PAM: variants seen among roughly 807,000 people sequenced by gnomAD.
PAM encodes peptidyl-glycine alpha-amidating monooxygenase.
In PAM, 72 loss-of-function variants were observed where a neutral mutation model predicts 122.1. The observed-to-expected ratio is 0.59, with a 90% confidence interval of 0.49 to 0.72. The LOEUF is 0.72. Ranked by LOEUF, PAM falls within the 30% of genes least tolerant of loss-of-function variation. The pLI is 0.00. For synonymous variants in PAM, 389 were observed against 404.4 expected (o/e 0.96, Z 0.46); for missense variants, 1,106 against 1,183.7 (o/e 0.93, Z 0.96).
intron 1 of PAM, among the ~76,000 whole-genome samples, chr5:102,829,201 A>G (rs531454600): frequency 6.6e-6 from 1 of 152,172 alleles, no homozygotes; most frequent in Admixed American, 6.5e-5. Flanking sequence ...ATTTTGACCG[A>G]AAGTCATACG....
At chr5:102,772,753 T>G (rs552441425) in intron 1 of PAM, among the ~76,000 whole-genome samples, 39 of 152,106 alleles carry the variant, frequency 2.6e-4, no homozygotes, top group Non-Finnish European at 5.0e-4. Flanking sequence ...GAAATTACAT[T>G]AATTTATGTG....
intron 1 of PAM, among the ~76,000 whole-genome samples, chr5:102,862,847 ACC>A (rs1784546643): frequency 2.0e-5 from 3 of 152,210 alleles, no homozygotes; most frequent in Non-Finnish European, 4.4e-5. Context: ...TAAATAGTGG[ACC>A]CAGGAATCAG....
chr5:102,818,602 G>A (rs1770713215), intron 1 of PAM, among the ~76,000 whole-genome samples: 1 of 152,094 alleles, frequency 6.6e-6, no homozygotes. Context: ...CCTTTGTCCA[G>A]TATGCCCTTC....
chr5:102,878,071 A>G (rs1789785144), intron 3 of PAM, among the ~76,000 whole-genome samples: 1 of 152,062 alleles, frequency 6.6e-6, no homozygotes, highest in Non-Finnish European at 1.5e-5. Flanking sequence ...TAAAATCTCT[A>G]TATATAATTA....
At chr5:102,978,951 C>T (rs2150535524) in intron 15 of PAM, among the ~76,000 whole-genome samples, 1 of 151,776 alleles carries the variant, frequency 6.6e-6, no homozygotes, top group South Asian at 2.1e-4. Context: ...TCCGAAATTC[C>T]ACAGCTCAAG....
chr5:102,961,323 T>C, intron 14 of PAM, 94 bp downstream of exon 14: 1 of 722,478 alleles, frequency 1.4e-6, no homozygotes, highest in South Asian at 1.6e-5. Context: ...TGTATGTCTC[T>C]CTGTATCTGC....
rs1312980357 is a variant in PAM, at chr5:102,960,033, T to C, written c.1064T>C (p.Met355Thr). 40 of 1,603,850 alleles carry C rather than the reference T, an allele frequency of 2.5e-5. No individual in the cohort carries two copies. The Admixed American group carries it at 3.9e-4, about 15-fold the overall frequency. The stretch of plus-strand genomic sequence containing the variant: ...ATTCCAATTCCCGTGAAGTCTGATA[T>C]GGTTATGATGCATGAACATCATAAA... ...ANIPIPVKSDMVMMHEHHKET... is the reference protein window; with the variant it reads ...ANIPIPVKSDTVMMHEHHKET... The change falls in exon 13 of 26, where the codon ATG becomes ACG. Residue 355 changes from methionine to threonine, a missense_variant. By Grantham distance (81) the Met-to-Thr change is moderately conservative. Around this residue, in one of 3 missense-constraint regions of PAM, gnomAD observed 670 missense variants for 690.3 expected, o/e 0.97. Coordinates refer to ENST00000438793, the MANE Select transcript of PAM (RefSeq NM_001177306.2).
intron 7 of PAM, among the ~76,000 whole-genome samples, chr5:102,927,564 T>C (rs1487370900): frequency 2.6e-5 from 4 of 152,108 alleles, no homozygotes; most frequent in African/African-American, 7.2e-5. Flanking sequence ...TAGATGTCCA[T>C]CTCTGCCTAT....
intron 5 of PAM, among the ~76,000 whole-genome samples, chr5:102,914,405 T>C (rs1277894258): frequency 6.6e-6 from 1 of 152,056 alleles, no homozygotes; most frequent in African/African-American, 2.4e-5. Context: ...CAATATACCA[T>C]GTAACATGTT....
At chr5:102,886,720 G>A (rs1793233029) in intron 3 of PAM, among the ~76,000 whole-genome samples, 1 of 151,918 alleles carries the variant, frequency 6.6e-6, no homozygotes, top group Admixed American at 6.6e-5. Flanking sequence ...ACCAATGACT[G>A]CATCTTACTC....
intron 1 of PAM, among the ~76,000 whole-genome samples, chr5:102,846,827 C>T (rs1431248589): frequency 6.6e-6 from 1 of 152,186 alleles, no homozygotes; most frequent in Non-Finnish European, 1.5e-5. Flanking sequence ...CTTTAGCTTG[C>T]TCGTAGCTTT....
At chr5:102,778,200 T>C (rs1337925327) in intron 1 of PAM, among the ~76,000 whole-genome samples, 3 of 152,176 alleles carry the variant, frequency 2.0e-5, no homozygotes, top group Non-Finnish European at 2.9e-5. Flanking sequence ...AGTTGATTTG[T>C]GTTCCCCTGT....
intron 1 of PAM, among the ~76,000 whole-genome samples, chr5:102,802,588 A>C (rs1344676004): frequency 6.6e-6 from 1 of 152,080 alleles, no homozygotes; most frequent in Non-Finnish European, 1.5e-5. Flanking sequence ...ATTGGAGCAG[A>C]CCAACATCCT....
intron 1 of PAM, among the ~76,000 whole-genome samples, chr5:102,834,547 G>A (rs1467856668): frequency 8.5e-5 from 13 of 152,142 alleles, no homozygotes; most frequent in Non-Finnish European, 1.5e-5. Context: ...CCAGGAGCCT[G>A]GGGAAGGGTT....
chr5:102,964,534 GA>G (rs890530956), intron 14 of PAM, among the ~76,000 whole-genome samples: 1 of 151,788 alleles, frequency 6.6e-6, no homozygotes, highest in East Asian at 1.9e-4. Flanking sequence ...ACATTTTAAT[GA>G]GGCTTTAATT....
chr5:103,000,385 A>G (rs2150967743), intron 16 of PAM, among the ~76,000 whole-genome samples: 1 of 152,326 alleles, frequency 6.6e-6, no homozygotes, highest in African/African-American at 2.4e-5. Flanking sequence ...TTTTTGTCAA[A>G]GCCATTCAAC....
intron 1 of PAM, among the ~76,000 whole-genome samples, chr5:102,763,492 A>C (rs1753000629): frequency 6.6e-6 from 1 of 152,178 alleles, no homozygotes; most frequent in Non-Finnish European, 1.5e-5. Context: ...TTTACACACG[A>C]CAGCAACAAC....
intron 1 of PAM, among the ~76,000 whole-genome samples, chr5:102,800,921 A>G (rs1039948793): frequency 1.3e-5 from 2 of 152,218 alleles, no homozygotes; most frequent in Non-Finnish European, 2.9e-5. Context: ...ATCAGATTTT[A>G]AAGAAACTCC....
At chr5:102,898,625 C>G (rs1201706511) in intron 3 of PAM, among the ~76,000 whole-genome samples, 1 of 151,486 alleles carries the variant, frequency 6.6e-6, no homozygotes, top group East Asian at 2.0e-4. Flanking sequence ...CAGTTAGTCA[C>G]CAAGCTTTTA....
Sources: gnomAD v4.1 joint callset for allele counts (sites outside exome capture counted in the v4.1 genomes callset) on GRCh38, gnomAD v4.1.1 for gene constraint, gnomAD v4.1.1 regional missense constraint, MANE v1.5 for transcripts, NCBI Gene and HGNC (gene_info 2026-07-23, HGNC 2026-07-21) for gene names.